Variants in BICD2 observed in about 807,000 individuals in gnomAD.
BICD2 encodes the protein protein bicaudal D homolog 2.
A neutral mutation model predicts 72.9 loss-of-function variants in BICD2; 25 were observed. The observed-to-expected ratio is 0.34, with a 90% CI of 0.25 to 0.48. The LOEUF (loss-of-function observed/expected upper bound fraction) is 0.48. Ranked by LOEUF, BICD2 falls within the 20% of genes least tolerant of loss-of-function variation. The probability of loss-of-function intolerance (pLI) is 0.99; values close to 1 mark genes in which losing one functional copy is unlikely to be tolerated. For missense variants in BICD2, 894 were observed against 1,175.2 expected, an observed-to-expected ratio of 0.76 and a Z score of 3.50; for synonymous variants, 501 against 516.1, an observed-to-expected ratio of 0.97 and a Z score of 0.40.
chr9:92,717,780 G>T lies in BICD2; in HGVS notation c.2258+17C>A. Reference sequence around the variant, plus strand: ...CTGGCCTTGTGGAAGGGGAGGGCCCGACAGCAGCACGGTTACCTGGTGGCA... The same window carrying T: ...CTGGCCTTGTGGAAGGGGAGGGCCCTACAGCAGCACGGTTACCTGGTGGCA... On this transcript the variant is annotated intron_variant, in intron 6 of 6. Coordinates refer to ENST00000356884, the MANE Select transcript of BICD2 (RefSeq NM_001003800.2). The T allele has an allele frequency of 6.3e-7, 1 of 1,596,804 alleles. No individual in the cohort carries two copies. The highest frequency in any genetic ancestry group is 1.1e-5 in the South Asian group (1 of 89,250).
chr9:92,739,183 G>A (rs1371274959), intron 1 of BICD2, among the ~76,000 whole-genome samples: 1 of 152,220 alleles, frequency 6.6e-6, no homozygotes, highest in African/African-American at 2.4e-5. Context: ...CTTCTGCTCA[G>A]CACCCACCTT....
rs140205029 is a variant in BICD2, at chr9:92,715,336, G to A, written c.2386C>T (p.Leu796=). 1.6e-5 allele frequency: 26 copies of A among 1,613,114 alleles called. No homozygotes were observed. The highest frequency in any genetic ancestry group is 4.0e-5 in the African/African-American group (3 of 74,948). ...IQQKLALTQR[L]ELLELDHEQT... is the part of the protein sequence containing the mutation. ...TCATGGTCCAGCTCGAGCAGCTCCAGCCGCTGGGTCAGCGCCAGCTTCTGC... is the reference window on the plus strand; with the variant it reads ...TCATGGTCCAGCTCGAGCAGCTCCAACCGCTGGGTCAGCGCCAGCTTCTGC... The change falls in exon 7 of 7, where the codon CTG becomes TTG. Residue 796 remains leucine (L), a synonymous_variant. Coordinates refer to ENST00000356884, the MANE Select transcript of BICD2 (RefSeq NM_001003800.2).
intron 1 of BICD2, among the ~76,000 whole-genome samples, chr9:92,730,641 G>A (rs1333343674): frequency 6.6e-6 from 1 of 152,210 alleles, no homozygotes; most frequent in Non-Finnish European, 1.5e-5. Flanking sequence ...GTGGTGACAT[G>A]TGCTGTGATG....
In BICD2 at chr9:92,717,948, T is replaced by C. The variant is rs1853353035; in HGVS notation, c.2107A>G (p.Thr703Ala). 1.2e-6 allele frequency: 2 copies of C among 1,612,858 alleles called. No individual in the cohort carries two copies. The highest frequency in any genetic ancestry group is 1.7e-6 in the Non-Finnish European group (2 of 1,179,700). ...AGGTTGGCAAGGGCCACCTCGGCCG[T>C]CTGGGGGACAGATGTGTAGGGTGGA... The part of the protein sequence containing the change: ...LRTVLKANKQ[T>A]AEVALANLKS... The change falls in exon 6 of 7, where the codon ACG (threonine) becomes GCG (alanine). Residue 703 changes from threonine (T) to alanine (A), a missense_variant and splice_region_variant. Physicochemically the swap from Thr to Ala is moderately conservative, Grantham distance 58 (BLOSUM62 0). Coordinates refer to ENST00000356884, the MANE Select transcript of BICD2 (RefSeq NM_001003800.2).
intron 1 of BICD2, among the ~76,000 whole-genome samples, chr9:92,748,339 T>A (rs892045066): frequency 4.6e-5 from 7 of 152,268 alleles, no homozygotes; most frequent in African/African-American, 1.7e-4. Context: ...CCCCCGGGTG[T>A]AAACTGCAAT....
rs572991304 is a variant in BICD2, at chr9:92,738,732, C to T, written c.241-9496G>A. On this transcript the variant is annotated intron_variant, in intron 1 of 6. Transcript: ENST00000356884. ...ACACCACCAGGGCAGGGGAACCAGG[C>T]CTCCAGGCAGGGCTGTCCCAGGGAA... Among the ~76,000 whole-genome samples, 7 of 152,138 alleles carry T rather than the reference C, an allele frequency of 4.6e-5. No homozygotes were observed. The East Asian group carries it at 1.4e-3, about 29-fold the overall frequency.
chr9:92,726,128 AC>A (rs1266504927), intron 2 of BICD2, among the ~76,000 whole-genome samples: 1 of 152,004 alleles, frequency 6.6e-6, no homozygotes, highest in African/African-American at 2.4e-5. Context: ...GAAGCACCTC[AC>A]CCCCTACCAG....
At position 92,712,764 on chromosome 9, in the gene BICD2, A is replaced by T. The variant is rs1177629785; in HGVS notation, c.*2390T>A. ...ACATTGAACTATTCCTAAGAATAATAATAATACAATATGAAAAACCCCAGA... is the reference window on the plus strand; with the variant it reads ...ACATTGAACTATTCCTAAGAATAATTATAATACAATATGAAAAACCCCAGA... On this transcript the variant is annotated 3_prime_UTR_variant, in exon 7 of 7. Transcript: ENST00000356884. 2 of 152,442 alleles carry T rather than the reference A, an allele frequency of 1.3e-5. No individual in the cohort carries two copies. Among genetic ancestry groups the T allele is most frequent in the Non-Finnish European group, 2.9e-5 (2 of 68,042 alleles). 9.4% of individuals were successfully genotyped at this position (152,442 alleles called of 1,614,324 possible). A position where few individuals can be genotyped will look rare whatever the true frequency, so the allele number is the denominator to read the frequency against.
intron 1 of BICD2, among the ~76,000 whole-genome samples, chr9:92,745,849 AC>A (rs1854000832): frequency 6.6e-6 from 1 of 152,112 alleles, no homozygotes; most frequent in Non-Finnish European, 1.5e-5. Context: ...CTGGGCCTAG[AC>A]CCTGGCCCAC....
chr9:92,724,496 C>A (rs922075381), intron 2 of BICD2, among the ~76,000 whole-genome samples: 1 of 152,206 alleles, frequency 6.6e-6, no homozygotes, highest in African/African-American at 2.4e-5. Context: ...ACATGGCCCT[C>A]TCATTATAAG....
At chr9:92,716,540 C>T (rs1853317647) in intron 6 of BICD2, among the ~76,000 whole-genome samples, 1 of 152,168 alleles carries the variant, frequency 6.6e-6, no homozygotes, top group South Asian at 2.1e-4. Context: ...GCATGCAGTT[C>T]CCACCCTGTC....
Position 92,718,741 on chromosome 9 carries a change from C to T in BICD2, c.1904G>A (p.Arg635His), listed in dbSNP as rs778586689. ...MNIYNLIAII[R>H]DQIKHLQAAV... ...TGCCTGCAGGTGCTTGATCTGGTCA[C>T]GGATGATAGCGATCAGGTTGTAGAT... Residue 635 changes from arginine to histidine, a missense_variant, in exon 5 of 7, where the codon CGT (arginine) becomes CAT (histidine). By Grantham distance (29) the Arg-to-His change is conservative (BLOSUM62 0). This residue lies in a region of BICD2 where 321 missense variants were observed against 443.9 expected (regional missense o/e 0.72). Coordinates refer to ENST00000356884, the MANE Select transcript of BICD2 (RefSeq NM_001003800.2). The T allele has an allele frequency of 2.2e-5, 36 of 1,613,972 alleles. 1 individual carries two copies. In the South Asian group the frequency reaches 2.9e-4, roughly 13 times the overall value.
At chr9:92,734,551 C>G (rs913353301) in intron 1 of BICD2, among the ~76,000 whole-genome samples, 6 of 151,430 alleles carry the variant, frequency 4.0e-5, no homozygotes, top group Admixed American at 6.6e-5. Flanking sequence ...CAAAATCCAC[C>G]TCCCCCACCC....
intron 1 of BICD2, among the ~76,000 whole-genome samples, chr9:92,749,551 G>A (rs923383939): frequency 2.6e-5 from 4 of 152,204 alleles, no homozygotes; most frequent in Admixed American, 2.0e-4. Context: ...ATCACCAACC[G>A]TGAACCCCAG....
chr9:92,755,510 T>C (rs541513340), intron 1 of BICD2, among the ~76,000 whole-genome samples: 1 of 152,308 alleles, frequency 6.6e-6, no homozygotes, highest in South Asian at 2.1e-4. Flanking sequence ...TCACGGAACC[T>C]ACCGACATGT....
Position 92,762,356 on chromosome 9 carries a change from G to C in BICD2, c.240+2149C>G, listed in dbSNP as rs117388990. On this transcript the variant is annotated intron_variant, in intron 1 of 6. Transcript: ENST00000356884. ...CATGCTGTTGATGGGGGGTGAACTGGTACAAACTTTCTGGCAACATCTACT... is the reference window on the plus strand; with the variant it reads ...CATGCTGTTGATGGGGGGTGAACTGCTACAAACTTTCTGGCAACATCTACT... 3.2e-3 allele frequency among the ~76,000 whole-genome samples: 480 copies of C among 152,224 alleles called. 3 individuals carry two copies. The highest frequency in any genetic ancestry group is 3.5e-3 in the Non-Finnish European group (241 of 68,026).
chr9:92,736,948 C>G (rs949277837), intron 1 of BICD2, among the ~76,000 whole-genome samples: 1 of 152,160 alleles, frequency 6.6e-6, no homozygotes, highest in African/African-American at 2.4e-5. Context: ...GGATGGAAAA[C>G]AGGGCAGTAA....
rs1445574522 is a variant in BICD2 at position 92,738,178 on chromosome 9, GC to G, written c.241-8943del. The stretch of plus-strand genomic sequence containing the variant: ...CGCCCTCACTGTGCCTGTCAATGGG[GC>G]TACGGGGCCAAGTTCCCATGGTTGG... On this transcript the variant is annotated intron_variant, in intron 1 of 6. Transcript: ENST00000356884. Among the ~76,000 whole-genome samples, 17 of 152,236 alleles carry G rather than the reference GC, an allele frequency of 1.1e-4. 1 individual carries two copies. Among genetic ancestry groups the G allele is most frequent in the African/African-American group, 4.1e-4 (17 of 41,466 alleles).
chr9:92,741,112 T>C (rs1026661773), intron 1 of BICD2, among the ~76,000 whole-genome samples: 1 of 152,248 alleles, frequency 6.6e-6, no homozygotes, highest in African/African-American at 2.4e-5. Flanking sequence ...GAGTTTGTAA[T>C]GTCCTCTCTA....
Sources: allele counts gnomAD v4.1 joint callset (sites outside exome capture counted in the v4.1 genomes callset), GRCh38; gene constraint gnomAD v4.1.1; regional missense constraint gnomAD v4.1.1; transcripts MANE v1.5; gene names NCBI Gene and HGNC (gene_info 2026-07-23, HGNC 2026-07-21).